ADCY10: variants seen among roughly 807,000 people sequenced by gnomAD.
ADCY10 encodes the protein adenylate cyclase type 10.
A neutral mutation model predicts 183.3 loss-of-function variants in ADCY10; 156 were observed. The ratio of observed to expected loss-of-function variants is 0.85; its 90% confidence interval spans 0.75 to 0.97. The LOEUF (loss-of-function observed/expected upper bound fraction) is 0.97. Among genes scored for constraint, ADCY10 ranks in the 50% least tolerant of loss-of-function variants. The probability of loss-of-function intolerance (pLI) is 0.00; values close to 1 mark genes in which losing one functional copy is unlikely to be tolerated. For missense variants in ADCY10, 1,745 were observed against 1,934.3 expected (o/e 0.90, Z 1.84); for synonymous variants, 645 against 670.0 (o/e 0.96, Z 0.58).
At position 167,809,716 on chromosome 1, in the gene ADCY10, A is replaced by T; in HGVS notation, c.4795T>A (p.Phe1599Ile). ...VNIQDLQKNK[F>I]LMRANTVDNH... is the part of the protein sequence containing the mutation. Reference sequence around the variant, plus strand: ...TCCACGGTATTAGCTCTCATCAGGAATTTGTTTTTTTGAAGATCCTGAATG... The same window carrying T: ...TCCACGGTATTAGCTCTCATCAGGATTTTGTTTTTTTGAAGATCCTGAATG... The change falls in exon 33 of 33, where the codon TTC (phenylalanine) becomes ATC (isoleucine). Residue 1599 changes from phenylalanine to isoleucine, a missense_variant. Phe to Ile is a conservative substitution (Grantham distance 21). Coordinates refer to ENST00000367851, the MANE Select transcript of ADCY10 (RefSeq NM_018417.6). 6.2e-7 allele frequency: 1 copy of T among 1,614,150 alleles called. No individual in the cohort carries two copies. The highest frequency in any genetic ancestry group is 8.5e-7 in the Non-Finnish European group (1 of 1,180,008).
intron 31 of ADCY10, among the ~76,000 whole-genome samples, chr1:167,816,718 T>C (rs1291532391): frequency 6.6e-6 from 1 of 152,184 alleles, no homozygotes; most frequent in African/African-American, 2.4e-5. Context: ...CCAGTGAAAT[T>C]ATCCTTCAAA....
chr1:167,856,413 A>T lies in ADCY10; in HGVS notation c.1923T>A (p.Phe641Leu). The T allele has an allele frequency of 6.2e-7, 1 of 1,614,206 alleles. No homozygotes were observed. The highest frequency in any genetic ancestry group is 8.5e-7 in the Non-Finnish European group (1 of 1,180,032). ...KLIVKEERII[F>L]IIDEAQFVDS... ...CCACAAACTGGGCCTCATCAATGAT[A>T]AAAATAATCCTTTCCTCTTTCACTA... Residue 641 changes from phenylalanine (F) to leucine (L), a missense_variant, in exon 17 of 33, where the codon TTT (phenylalanine) becomes TTA (leucine). By Grantham distance (22) the Phe-to-Leu change is conservative (BLOSUM62 0). Coordinates refer to ENST00000367851, the MANE Select transcript of ADCY10 (RefSeq NM_018417.6).
chr1:167,820,353 CG>C, intron 30 of ADCY10: 1 of 727,412 alleles, frequency 1.4e-6, no homozygotes, highest in Non-Finnish European at 2.1e-6. Context: ...GCCAGAGGGG[CG>C]GGGCCAGCCC....
chr1:167,855,337 C>CAAAT (rs1291087378), intron 17 of ADCY10, among the ~76,000 whole-genome samples: 15 of 151,720 alleles, frequency 9.9e-5, no homozygotes, highest in Admixed American at 6.6e-4. Context: ...AAAAAACAAA[C>CAAAT]AAACAAACAA....
chr1:167,828,435 T>A (rs1250949173), intron 26 of ADCY10, among the ~76,000 whole-genome samples: 1 of 152,216 alleles, frequency 6.6e-6, no homozygotes, highest in Non-Finnish European at 1.5e-5. Context: ...TTCACCCTCA[T>A]TCTCTCATGA....
At position 167,856,277 on chromosome 1, in the gene ADCY10, T is replaced by C. The variant is rs1295286042; in HGVS notation, c.2059A>G (p.Ile687Val). 5.6e-6 allele frequency: 9 copies of C among 1,613,970 alleles called. No individual in the cohort carries two copies. Among genetic ancestry groups the C allele is most frequent in the Non-Finnish European group, 7.6e-6 (9 of 1,179,900 alleles). Reference protein sequence around the residue: ...NIPCAAARAVIKNRNTTYIVI... With the variant: ...NIPCAAARAVVKNRNTTYIVI... ...ATGTAGGTGGTGTTCCTGTTCTTTA[T>C]TACGGCCCTGGCAGCTGCACAGGGA... The change falls in exon 17 of 33, where the codon ATA (isoleucine) becomes GTA (valine). Residue 687 changes from isoleucine (I) to valine (V), a missense_variant. Ile to Val is a conservative substitution (Grantham distance 29). Transcript: ENST00000367851.
chr1:167,828,041 A>G (rs1663445785), intron 26 of ADCY10, among the ~76,000 whole-genome samples: 1 of 152,210 alleles, frequency 6.6e-6, no homozygotes, highest in Non-Finnish European at 1.5e-5. Context: ...TGTGACAGGA[A>G]AAATAGTGAA....
intron 12 of ADCY10, among the ~76,000 whole-genome samples, chr1:167,875,601 A>C (rs1295459145): frequency 6.6e-6 from 1 of 152,238 alleles, no homozygotes; most frequent in Non-Finnish European, 1.5e-5. Flanking sequence ...TGTCTGGCGC[A>C]GTTCCAAGTG....
intron 1 of ADCY10, among the ~76,000 whole-genome samples, chr1:167,909,788 G>T (rs1670035872): frequency 6.6e-6 from 1 of 152,140 alleles, no homozygotes; most frequent in Non-Finnish European, 1.5e-5. Flanking sequence ...ATTTTGTCAG[G>T]CTTTTCAACT....
chr1:167,849,800 C>T (rs998157224), intron 18 of ADCY10, among the ~76,000 whole-genome samples: 2 of 152,124 alleles, frequency 1.3e-5, no homozygotes, highest in African/African-American at 4.8e-5. Context: ...GTACTTTGAT[C>T]CTTGAAGGAT....
chr1:167,845,346 T>C (rs886613581), intron 21 of ADCY10, among the ~76,000 whole-genome samples: 1 of 152,144 alleles, frequency 6.6e-6, no homozygotes, highest in African/African-American at 2.4e-5. Context: ...AAACCCTCCC[T>C]GACAGTTATA....
intron 14 of ADCY10, among the ~76,000 whole-genome samples, chr1:167,863,421 T>TA (rs933172140): frequency 6.6e-6 from 1 of 152,012 alleles, no homozygotes; most frequent in African/African-American, 2.4e-5. Flanking sequence ...CGGACCCCCT[T>TA]AGAGTTGTGA....
intron 8 of ADCY10, among the ~76,000 whole-genome samples, chr1:167,887,731 A>T (rs899307904): frequency 2.6e-5 from 4 of 151,460 alleles, no homozygotes; most frequent in Non-Finnish European, 4.4e-5. Context: ...ATAAAAGATT[A>T]AAAAAACTCA....
At chr1:167,843,501 C>T (rs1024833025) in intron 21 of ADCY10, among the ~76,000 whole-genome samples, 1 of 151,968 alleles carries the variant, frequency 6.6e-6, no homozygotes, top group African/African-American at 2.4e-5. Context: ...GGATCCTTCA[C>T]TAAAGCTTCC....
In ADCY10 at chr1:167,899,587, C is replaced by G; in HGVS notation, c.478G>C (p.Glu160Gln). 1.9e-6 allele frequency: 3 copies of G among 1,614,190 alleles called. No homozygotes were observed. The highest frequency in any genetic ancestry group is 2.5e-6 in the Non-Finnish European group (3 of 1,180,042). Residue 160 changes from glutamate (E) to glutamine (Q), a missense_variant, in exon 6 of 33, where the codon GAA (glutamate) becomes CAA (glutamine). Glu to Gln is a conservative substitution (Grantham distance 29). Coordinates refer to ENST00000367851, the MANE Select transcript of ADCY10 (RefSeq NM_018417.6). ...ATCACCAGAAAGTGGCTGTGTGTTTCATCTCCAAAGACCAACATGCTGATG... is the reference window on the plus strand; with the variant it reads ...ATCACCAGAAAGTGGCTGTGTGTTTGATCTCCAAAGACCAACATGCTGATG... Reference protein sequence around the residue: ...GHISMLVFGDETHSHFLVIGQ... With the variant: ...GHISMLVFGDQTHSHFLVIGQ...
intron 31 of ADCY10, among the ~76,000 whole-genome samples, chr1:167,813,359 A>T (rs550579668): frequency 2.0e-5 from 3 of 152,156 alleles, no homozygotes; most frequent in African/African-American, 7.2e-5. Context: ...TCAAAATATT[A>T]AAAAAACAAA....
chr1:167,848,110 C>A (rs1001013855), intron 19 of ADCY10, among the ~76,000 whole-genome samples: 1 of 151,960 alleles, frequency 6.6e-6, no homozygotes, highest in African/African-American at 2.4e-5. Flanking sequence ...CTCTGTCACC[C>A]AGGCTGGAGT....
intron 21 of ADCY10, among the ~76,000 whole-genome samples, chr1:167,838,663 C>T (rs539931675): frequency 1.4e-4 from 21 of 152,354 alleles, no homozygotes; most frequent in African/African-American, 4.8e-4. Flanking sequence ...CTTTTAATTA[C>T]ATTCATATGC....
At chr1:167,858,381 C>T (rs911115943) in intron 16 of ADCY10, among the ~76,000 whole-genome samples, 1 of 151,260 alleles carries the variant, frequency 6.6e-6, no homozygotes, top group Non-Finnish European at 1.5e-5. Flanking sequence ...GCCTGTAGTC[C>T]CAGCTAGTCG....
Sources: allele counts gnomAD v4.1 joint callset (sites outside exome capture counted in the v4.1 genomes callset), GRCh38; gene constraint gnomAD v4.1.1; transcripts MANE v1.5; gene names NCBI Gene and HGNC (gene_info 2026-07-23, HGNC 2026-07-21).